Variants in TMEM163 observed in about 807,000 individuals in gnomAD.
TMEM163 encodes the protein transmembrane protein 163.
Under a neutral mutation model 29.3 loss-of-function variants are expected in TMEM163, and 17 were observed. That is an observed-to-expected ratio of 0.58 (90% confidence interval 0.40 to 0.87). The LOEUF (loss-of-function observed/expected upper bound fraction) is 0.87, where lower values mean the gene tolerates loss of function less well. Ranked by LOEUF, TMEM163 falls within the 40% of genes least tolerant of loss-of-function variation. TMEM163 has a pLI of 0.00. For synonymous variants in TMEM163, 157 were observed against 160.6 expected (o/e 0.98, Z 0.17); for missense variants, 303 against 381.5 (o/e 0.79, Z 1.71).
chr2:134,551,111 C>T (rs1164648305), intron 3 of TMEM163, among the ~76,000 whole-genome samples: 1 of 152,170 alleles, frequency 6.6e-6, no homozygotes, highest in Non-Finnish European at 1.5e-5. Context: ...AGTCTGCCAG[C>T]ACTTTAAAGT....
In TMEM163 at chr2:134,684,922, CAA is replaced by C. The variant is rs56956631; in HGVS notation, c.322+28276_322+28277del. Among the ~76,000 whole-genome samples, 243 of 74,770 alleles carry C rather than the reference CAA, an allele frequency of 3.2e-3. 6 individuals carry two copies. The highest frequency in any genetic ancestry group is 0.021 in the East Asian group (62 of 2,966). 49.1% of individuals were successfully genotyped at this position (74,770 alleles called of 152,430 possible). On this transcript the variant is annotated intron_variant, in intron 2 of 7. Transcript: ENST00000281924. ...TGGGAGACAGAGCAAGACCCTGTCT[CAA>C]AAAAAAAAAAAAAAAAGAAAAAGCA...
At chr2:134,631,356 T>G (rs1319369957) in intron 2 of TMEM163, among the ~76,000 whole-genome samples, 4 of 152,220 alleles carry the variant, frequency 2.6e-5, no homozygotes, top group Non-Finnish European at 4.4e-5. Context: ...TTCTGTTTTG[T>G]TTTTGTACTG....
chr2:134,457,982 G>A, intron 7 of TMEM163, 50 bp downstream of exon 7: 1 of 1,610,494 alleles, frequency 6.2e-7, no homozygotes, highest in Non-Finnish European at 8.5e-7. Flanking sequence ...CGGTGGAAAA[G>A]GGACACTCCT....
At chr2:134,606,507 A>G (rs145528500) in intron 2 of TMEM163, among the ~76,000 whole-genome samples, 43 of 152,286 alleles carry the variant, frequency 2.8e-4, no homozygotes, top group African/African-American at 9.6e-4. Flanking sequence ...CACCCTGCAG[A>G]ATCACTCTGC....
Position 134,456,277 on chromosome 2 carries a change from T to G in TMEM163, c.*439A>C. Reference sequence around the variant, plus strand: ...CTGATGATTCTGGGTATGTAAAGGGTGAGGGGTACAATCTTCCCTTAAGAC... The same window carrying G: ...CTGATGATTCTGGGTATGTAAAGGGGGAGGGGTACAATCTTCCCTTAAGAC... On this transcript the variant is annotated 3_prime_UTR_variant, in exon 8 of 8. Coordinates refer to ENST00000281924, the MANE Select transcript of TMEM163 (RefSeq NM_030923.5). The G allele has an allele frequency of 6.1e-6, 1 of 162,658 alleles. No homozygotes were observed. 10.1% of individuals were successfully genotyped at this position (162,658 alleles called of 1,614,324 possible).
intron 2 of TMEM163, among the ~76,000 whole-genome samples, chr2:134,638,887 G>A (rs1428356632): frequency 2.6e-5 from 4 of 152,212 alleles, no homozygotes; most frequent in African/African-American, 7.2e-5. Flanking sequence ...CAACCAGGTA[G>A]ATGTTTTTAA....
intron 2 of TMEM163, among the ~76,000 whole-genome samples, chr2:134,577,757 T>C (rs1681593518): frequency 7.5e-6 from 1 of 132,794 alleles, no homozygotes. Context: ...CAGTCAGCCC[T>C]TCTCTGTGGG....
chr2:134,618,580 G>A (rs1372753269), intron 2 of TMEM163, among the ~76,000 whole-genome samples: 1 of 152,060 alleles, frequency 6.6e-6, no homozygotes, highest in Non-Finnish European at 1.5e-5. Flanking sequence ...TCTAACAAGA[G>A]CAAGATTATT....
At chr2:134,537,879 A>G (rs1383680933) in intron 4 of TMEM163, among the ~76,000 whole-genome samples, 2 of 152,190 alleles carry the variant, frequency 1.3e-5, no homozygotes, top group Non-Finnish European at 2.9e-5. Context: ...TAGTACTTTA[A>G]TAACACTCAA....
intron 4 of TMEM163, among the ~76,000 whole-genome samples, chr2:134,524,016 T>C (rs1297524401): frequency 6.6e-6 from 1 of 152,210 alleles, no homozygotes; most frequent in Non-Finnish European, 1.5e-5. Flanking sequence ...GAGCTGAGAC[T>C]GAGAAACCCT....
At chr2:134,561,929 T>TA (rs1247222464) in intron 2 of TMEM163, among the ~76,000 whole-genome samples, 10 of 152,236 alleles carry the variant, frequency 6.6e-5, no homozygotes, top group African/African-American at 2.2e-4. Context: ...TGATAAAACA[T>TA]ACATTTTAAA....
intron 4 of TMEM163, among the ~76,000 whole-genome samples, chr2:134,538,758 T>C (rs1035672966): frequency 3.9e-5 from 6 of 152,124 alleles, no homozygotes; most frequent in South Asian, 2.1e-4. Context: ...TCCATGTGTA[T>C]GAAATGTCCA....
At chr2:134,650,632 C>T (rs78462489) in intron 2 of TMEM163, among the ~76,000 whole-genome samples, 77 of 143,534 alleles carry the variant, frequency 5.4e-4, no homozygotes, top group African/African-American at 1.9e-3. Flanking sequence ...CATGCTGGTG[C>T]GCTGCACCCA....
At chr2:134,706,569 G>A (rs574809853) in intron 2 of TMEM163, among the ~76,000 whole-genome samples, 1 of 152,216 alleles carries the variant, frequency 6.6e-6, no homozygotes, top group Non-Finnish European at 1.5e-5. Flanking sequence ...AGCCTGGAAG[G>A]CTTCCCAGAA....
intron 5 of TMEM163, among the ~76,000 whole-genome samples, chr2:134,480,376 T>G (rs1687021643): frequency 6.8e-6 from 1 of 145,988 alleles, no homozygotes; most frequent in Admixed American, 7.0e-5. Flanking sequence ...AGTGAGGTGG[T>G]CCCTGACTGC....
At chr2:134,482,697 C>T (rs1024029001) in intron 5 of TMEM163, among the ~76,000 whole-genome samples, 2 of 152,190 alleles carry the variant, frequency 1.3e-5, no homozygotes, top group Non-Finnish European at 2.9e-5. Context: ...GAGGAAATTT[C>T]GCCAAGCCTG....
intron 2 of TMEM163, among the ~76,000 whole-genome samples, chr2:134,624,842 G>A (rs939961574): frequency 2.0e-5 from 3 of 150,342 alleles, no homozygotes; most frequent in East Asian, 2.0e-4. Context: ...CCAAGGAGGC[G>A]GAGGTTGCTG....
chr2:134,529,349 T>C (rs1201076350), intron 4 of TMEM163, among the ~76,000 whole-genome samples: 1 of 151,182 alleles, frequency 6.6e-6, no homozygotes, highest in Non-Finnish European at 1.5e-5. Context: ...AAACAAAATG[T>C]ATATAAACCT....
chr2:134,715,151 G>A (rs1685010961), intron 1 of TMEM163, among the ~76,000 whole-genome samples: 1 of 152,210 alleles, frequency 6.6e-6, no homozygotes, highest in African/African-American at 2.4e-5. Context: ...AGGTTCCTTT[G>A]AGAAGTAGAT....
Sources: gnomAD v4.1 joint callset for allele counts (sites outside exome capture counted in the v4.1 genomes callset) on GRCh38, gnomAD v4.1.1 for gene constraint, MANE v1.5 for transcripts, NCBI Gene and HGNC (gene_info 2026-07-23, HGNC 2026-07-21) for gene names.